Variants in PLA2R1 observed in about 807,000 individuals in gnomAD.
PLA2R1 encodes the protein secretory phospholipase A2 receptor.
A neutral mutation model predicts 195.9 loss-of-function variants in PLA2R1; 158 were observed. The ratio of observed to expected loss-of-function variants is 0.81; its 90% confidence interval spans 0.71 to 0.92. The LOEUF is 0.92. Ranked by LOEUF, PLA2R1 falls within the 40% of genes least tolerant of loss-of-function variation. The pLI, the probability that PLA2R1 is intolerant of heterozygous loss-of-function variation, is 0.00. For missense variants in PLA2R1, 1,626 were observed against 1,764.6 expected (o/e 0.92, Z 1.41); for synonymous variants, 586 against 598.2 (o/e 0.98, Z 0.30).
intron 11 of PLA2R1, among the ~76,000 whole-genome samples, chr2:160,002,281 G>A (rs1045355492): frequency 6.6e-6 from 1 of 151,884 alleles, no homozygotes; most frequent in Non-Finnish European, 1.5e-5. Context: ...TAAATCTTGT[G>A]AAATACAACT....
chr2:159,993,469 C>CACACACACACAT lies in PLA2R1; in HGVS notation c.1835-6112_1835-6111insATGTGTGTGTGT, dbSNP rs1434517260. On this transcript the variant is annotated intron_variant, in intron 11 of 29. Transcript: ENST00000283243. Reference sequence around the variant, plus strand: ...TGTTTAATTTACACACACACACACACACACACACTTCCTAGATCTGTCCAT... The same window carrying CACACACACACAT: ...TGTTTAATTTACACACACACACACACACACACACACATACACACACTTCCTAGATCTGTCCAT... 4.9e-3 allele frequency among the ~76,000 whole-genome samples: 746 copies of CACACACACACAT among 151,824 alleles called. 6 individuals carry two copies. Among genetic ancestry groups the CACACACACACAT allele is most frequent in the African/African-American group, 0.017 (700 of 41,358 alleles).
chr2:160,037,990 C>G (rs1271904993), intron 3 of PLA2R1, among the ~76,000 whole-genome samples: 2 of 152,120 alleles, frequency 1.3e-5, no homozygotes. Flanking sequence ...CCAGAGAAGT[C>G]CCTGGCACAT....
intron 10 of PLA2R1, among the ~76,000 whole-genome samples, chr2:160,006,306 G>A (rs1310145561): frequency 5.3e-5 from 8 of 152,222 alleles, no homozygotes; most frequent in Admixed American, 3.9e-4. Flanking sequence ...CTTGCCTGGT[G>A]AGAAAGAAAC....
chr2:160,013,411 C>T, intron 9 of PLA2R1, 36 bp from the exon 10 acceptor site: 4 of 1,239,678 alleles, frequency 3.2e-6, no homozygotes, highest in Non-Finnish European at 4.7e-6. Flanking sequence ...AGGACACAAT[C>T]TCATTTAGTT....
At chr2:160,037,311 A>G (rs1474206424) in intron 3 of PLA2R1, among the ~76,000 whole-genome samples, 3 of 152,192 alleles carry the variant, frequency 2.0e-5, no homozygotes, top group Non-Finnish European at 2.9e-5. Flanking sequence ...TTTTGCACTT[A>G]GAATTAGGTA....
chr2:159,962,463 G>T (rs913527127), intron 20 of PLA2R1, among the ~76,000 whole-genome samples: 9 of 152,158 alleles, frequency 5.9e-5, no homozygotes, highest in African/African-American at 2.2e-4. Flanking sequence ...AACCATTGTG[G>T]AACACAGTGT....
chr2:159,954,189 A>T (rs552019147), intron 23 of PLA2R1, among the ~76,000 whole-genome samples: 1 of 152,176 alleles, frequency 6.6e-6, no homozygotes, highest in African/African-American at 2.4e-5. Context: ...GGAGACTTTT[A>T]CCTACTTCAT....
chr2:160,036,588 G>A (rs1274014065), intron 3 of PLA2R1, among the ~76,000 whole-genome samples: 2 of 152,218 alleles, frequency 1.3e-5, no homozygotes, highest in Non-Finnish European at 2.9e-5. Flanking sequence ...TGGTGCAGGT[G>A]CCTTCCATTC....
At chr2:160,040,423 T>C (rs2105580626) in intron 3 of PLA2R1, among the ~76,000 whole-genome samples, 1 of 152,326 alleles carries the variant, frequency 6.6e-6, no homozygotes, top group East Asian at 1.9e-4. Context: ...GTTAAATGTG[T>C]TGATATTATC....
At position 159,949,619 on chromosome 2, in the gene PLA2R1, T is replaced by C; in HGVS notation, c.3698A>G (p.His1233Arg). 1 of 1,613,708 alleles carries C rather than the reference T, an allele frequency of 6.2e-7. No individual in the cohort carries two copies. The highest frequency in any genetic ancestry group is 1.3e-5 in the African/African-American group (1 of 75,036). Residue 1233 changes from histidine to arginine, a missense_variant, in exon 25 of 30, where the codon CAT becomes CGT. Transcript: ENST00000283243. ...AGAATTGAACCTACCAGGTGGCACA[T>C]GACAAATGGCACCTTGCAGAAATGA... The part of the protein sequence containing the change: ...CESFLQGAIC[H>R]VPPETRQSEH...
In PLA2R1 at chr2:159,939,969, G is replaced by C. The variant is rs1687016159; in HGVS notation, c.*1809C>G. 6.6e-6 allele frequency: 1 copy of C among 152,164 alleles called. No individual in the cohort carries two copies. The highest frequency in any genetic ancestry group is 1.5e-5 in the Non-Finnish European group (1 of 68,028). 9.4% of individuals were successfully genotyped at this position (152,164 alleles called of 1,614,324 possible). A position where few individuals can be genotyped will look rare whatever the true frequency, so the allele number is the denominator to read the frequency against. On this transcript the variant is annotated 3_prime_UTR_variant, in exon 30 of 30. Coordinates refer to ENST00000283243, the MANE Select transcript of PLA2R1 (RefSeq NM_007366.5). ...TCCCAATACTTAAAAAAATTATGGA[G>C]GTAGACTGTCCCAGTGTGTAAATTA...
chr2:160,049,296 G>A (rs906903019), intron 1 of PLA2R1, among the ~76,000 whole-genome samples: 2 of 152,074 alleles, frequency 1.3e-5, no homozygotes, highest in African/African-American at 4.8e-5. Flanking sequence ...TCTAAGGAGC[G>A]GGAGGAGAAT....
In PLA2R1 at chr2:159,967,660, T is replaced by C; in HGVS notation, c.2783A>G (p.Glu928Gly). The change falls in exon 20 of 30, where the codon GAG becomes GGG. Residue 928 changes from glutamate (E) to glycine (G), a missense_variant. Coordinates refer to ENST00000283243, the MANE Select transcript of PLA2R1 (RefSeq NM_007366.5). Reference sequence around the variant, plus strand: ...GATACTAGGCATAGAAACTGAACACTCTTCACTACCCCAGAGTCCTGGAGG... The same window carrying C: ...GATACTAGGCATAGAAACTGAACACCCTTCACTACCCCAGAGTCCTGGAGG... ...SSITGLWGSE[E>G]CSVSMPSICK... 4.3e-6 allele frequency: 7 copies of C among 1,613,774 alleles called. No homozygotes were observed. Among genetic ancestry groups the C allele is most frequent in the Non-Finnish European group, 5.9e-6 (7 of 1,179,784 alleles).
chr2:159,948,425 G>A (rs1263624564), intron 25 of PLA2R1, among the ~76,000 whole-genome samples: 2 of 148,414 alleles, frequency 1.3e-5, no homozygotes, highest in African/African-American at 5.0e-5. Context: ...TTTTTTTAAC[G>A]AGTCTCACTG....
At chr2:159,962,820 T>C (rs913483710) in intron 20 of PLA2R1, among the ~76,000 whole-genome samples, 3 of 151,838 alleles carry the variant, frequency 2.0e-5, no homozygotes, top group Non-Finnish European at 4.4e-5. Flanking sequence ...CACTCATAAG[T>C]GGGAGCTAAC....
intron 11 of PLA2R1, among the ~76,000 whole-genome samples, chr2:159,996,186 T>C (rs1229928181): frequency 5.3e-5 from 8 of 152,116 alleles, no homozygotes; most frequent in Non-Finnish European, 8.8e-5. Flanking sequence ...TCTGAAGAAC[T>C]TCTTTGAATA....
chr2:159,992,163 G>C (rs1690858387), intron 11 of PLA2R1, among the ~76,000 whole-genome samples: 1 of 150,878 alleles, frequency 6.6e-6, no homozygotes, highest in Admixed American at 6.6e-5. Context: ...ATTCTAACTG[G>C]TGTGAGATGG....
At chr2:159,928,440 T>C (rs1481103837), downstream of PLA2R1, among the ~76,000 whole-genome samples, 2 of 152,154 alleles carry the variant, frequency 1.3e-5, no homozygotes, top group African/African-American at 4.8e-5. Flanking sequence ...TTTAGGAATA[T>C]ACTTAACCAA....
intron 1 of PLA2R1, among the ~76,000 whole-genome samples, chr2:160,062,009 G>T (rs146158030): frequency 1.5e-3 from 227 of 152,226 alleles, no homozygotes; most frequent in Non-Finnish European, 2.3e-3. Flanking sequence ...CGCCAGAGCC[G>T]AGAGGAGTTA....
Sources: gnomAD v4.1 joint callset for allele counts (sites outside exome capture counted in the v4.1 genomes callset) on GRCh38, gnomAD v4.1.1 for gene constraint, MANE v1.5 for transcripts, NCBI Gene and HGNC (gene_info 2026-07-23, HGNC 2026-07-21) for gene names.